The following ATP7B variants were observed in gnomAD, a reference collection of about 807,000 sequenced individuals.
ATP7B encodes ATPase copper transporting beta.
In ATP7B, 113 loss-of-function variants were observed where a neutral mutation model predicts 118.9. That is an observed-to-expected ratio of 0.95 (90% CI 0.82 to 1.11). The LOEUF (loss-of-function observed/expected upper bound fraction) is 1.11, where lower values mean the gene tolerates loss of function less well. ATP7B is among the 50% of genes most tolerant of loss of function. ATP7B has a pLI of 0.00. For missense variants in ATP7B, 1,867 were observed against 1,871.4 expected (o/e 1.00, Z 0.04); for synonymous variants, 777 against 727.4 (o/e 1.07, Z -1.10).
chr13:51,979,973 A>G (rs1436355152), intron 1 of ATP7B, among the ~76,000 whole-genome samples: 1 of 152,230 alleles, frequency 6.6e-6, no homozygotes, highest in African/African-American at 2.4e-5. Flanking sequence ...ACACTAAAGT[A>G]TCTGTTGGTC....
intron 12 of ATP7B, among the ~76,000 whole-genome samples, chr13:51,948,588 C>A (rs1005553299): frequency 1.9e-4 from 29 of 152,132 alleles, no homozygotes; most frequent in African/African-American, 7.0e-4. Context: ...ACATTTGGGG[C>A]CAGATAACTC....
rs571756519 is a variant in ATP7B at position 51,984,729 on chromosome 13, C to A, written c.52-9561G>T. Among the ~76,000 whole-genome samples the A allele has an allele frequency of 6.6e-5, 10 of 152,278 alleles. No homozygotes were observed. The South Asian group carries it at 2.1e-3, about 32-fold the overall frequency. ...TAACAGCAGATCTCTCTGCAGAAACCCTACAAGCCAGAAGAGAATAGGGGC... is the reference window on the plus strand; with the variant it reads ...TAACAGCAGATCTCTCTGCAGAAACACTACAAGCCAGAAGAGAATAGGGGC... On this transcript the variant is annotated intron_variant, in intron 1 of 20. Transcript: ENST00000242839.
At chr13:51,981,813 T>A (rs554435305) in intron 1 of ATP7B, among the ~76,000 whole-genome samples, 1 of 152,266 alleles carries the variant, frequency 6.6e-6, no homozygotes, top group South Asian at 2.1e-4. Context: ...TAGTTCCAAT[T>A]TTTCAAACTT....
chr13:51,999,856 CTA>C (rs1163425811), intron 1 of ATP7B, among the ~76,000 whole-genome samples: 1 of 152,192 alleles, frequency 6.6e-6, no homozygotes, highest in African/African-American at 2.4e-5. Context: ...GACAGTGGTC[CTA>C]TCCCCTCTCT....
At chr13:51,966,681 C>A in intron 4 of ATP7B, 3 of 1,343,074 alleles carry the variant, frequency 2.2e-6, no homozygotes, top group Non-Finnish European at 3.1e-6. Context: ...ACACTACAGA[C>A]ACAGCATGCT....
At chr13:52,012,006 A>C, upstream of ATP7B, 1 of 350,360 alleles carries the variant, frequency 2.9e-6, no homozygotes, top group Non-Finnish European at 5.4e-6. Flanking sequence ...CCGCGGCAAG[A>C]GTGAACTCCG....
intron 5 of ATP7B, 137 bp from the exon 6 acceptor site, chr13:51,962,050 T>C: frequency 1.4e-6 from 1 of 695,394 alleles, no homozygotes; most frequent in South Asian, 1.8e-5. Context: ...GTGGGTTTTC[T>C]GCTTACAACT....
chr13:52,009,173 A>C (rs1953911257), intron 1 of ATP7B, among the ~76,000 whole-genome samples: 1 of 152,214 alleles, frequency 6.6e-6, no homozygotes, highest in African/African-American at 2.4e-5. Context: ...AAGGAAACTA[A>C]AACATTTCAC....
chr13:51,962,407 G>A (rs1423531363), intron 5 of ATP7B, among the ~76,000 whole-genome samples: 5 of 152,246 alleles, frequency 3.3e-5, no homozygotes, highest in South Asian at 2.1e-4. Context: ...AGCCTACACC[G>A]CAATCTTGTG....
chr13:51,954,258 A>G (rs969310899), intron 9 of ATP7B, among the ~76,000 whole-genome samples: 8 of 152,260 alleles, frequency 5.3e-5, no homozygotes, highest in African/African-American at 1.9e-4. Context: ...CAGCTGGAGC[A>G]CAACGCAGGG....
intron 16 of ATP7B, among the ~76,000 whole-genome samples, chr13:51,939,781 C>T (rs922751084): frequency 4.6e-5 from 7 of 151,654 alleles, no homozygotes; most frequent in Admixed American, 6.6e-5. Context: ...AGCCGAGGGG[C>T]GGGTGGATTT....
chr13:51,982,692 G>A (rs1015842551), intron 1 of ATP7B, among the ~76,000 whole-genome samples: 2 of 152,192 alleles, frequency 1.3e-5, no homozygotes, highest in African/African-American at 4.8e-5. Flanking sequence ...CGCAGAAGGA[G>A]GGTGATTTCT....
intron 1 of ATP7B, among the ~76,000 whole-genome samples, chr13:51,979,634 A>G (rs141794492): frequency 8.2e-4 from 125 of 152,342 alleles, no homozygotes; most frequent in Non-Finnish European, 1.5e-3. Context: ...TTCATATAGT[A>G]CCTTATTAGG....
At chr13:51,962,365 T>G (rs1026700748) in intron 5 of ATP7B, among the ~76,000 whole-genome samples, 29 of 152,206 alleles carry the variant, frequency 1.9e-4, no homozygotes, top group African/African-American at 7.0e-4. Flanking sequence ...CCTTCAGCAT[T>G]TGGAAGCACA....
At position 51,937,358 on chromosome 13, in the gene ATP7B, A is replaced by C; in HGVS notation, c.3939T>G (p.Leu1313=). The change falls in exon 19 of 21, where the codon CTT becomes CTG. Residue 1313 remains leucine (L), a synonymous_variant. Transcript: ENST00000242839. ...DLLDVVASIH[L]SKRTVRRIRI... Reference sequence around the variant, plus strand: ...GTATCCTTCGGACAGTCCTCTTGGAAAGGTGAATGCTAGCCACCACATCCA... The same window carrying C: ...GTATCCTTCGGACAGTCCTCTTGGACAGGTGAATGCTAGCCACCACATCCA... 6.2e-7 allele frequency: 1 copy of C among 1,614,216 alleles called. No individual in the cohort carries two copies. The highest frequency in any genetic ancestry group is 1.1e-5 in the South Asian group (1 of 91,088).
intron 1 of ATP7B, among the ~76,000 whole-genome samples, chr13:51,992,197 T>A (rs990949651): frequency 6.6e-6 from 1 of 152,178 alleles, no homozygotes; most frequent in Non-Finnish European, 1.5e-5. Flanking sequence ...CAGCAATTTT[T>A]AAATGTTTTA....
Position 52,010,892 on chromosome 13 carries a change from TA to T in ATP7B, c.51+394del, listed in dbSNP as rs375344489. Among the ~76,000 whole-genome samples, 614 of 152,376 alleles carry T rather than the reference TA, an allele frequency of 4.0e-3. 3 individuals carry two copies. Among genetic ancestry groups the T allele is most frequent in the African/African-American group, 0.013 (553 of 41,594 alleles). On this transcript the variant is annotated intron_variant, in intron 1 of 20. Coordinates refer to ENST00000242839, the MANE Select transcript of ATP7B (RefSeq NM_000053.4). ...ATTACTTGTACAATTAAAATGAATTTAAAACAGTTATAAAAGTTCCAGGACC... is the reference window on the plus strand; with the variant it reads ...ATTACTTGTACAATTAAAATGAATTTAAACAGTTATAAAAGTTCCAGGACC...
chr13:52,011,516 G>A, upstream of ATP7B: 1 of 742,138 alleles, frequency 1.3e-6, no homozygotes, highest in Non-Finnish European at 2.3e-6. Context: ...TTTGGGACCG[G>A]GGAAGCCGCA....
chr13:52,009,635 C>T (rs1001640308), intron 1 of ATP7B, among the ~76,000 whole-genome samples: 1 of 152,130 alleles, frequency 6.6e-6, no homozygotes, highest in Non-Finnish European at 1.5e-5. Flanking sequence ...TATTAATCTG[C>T]CATTTGTCAG....
Sources: gnomAD v4.1 joint callset for allele counts (sites outside exome capture counted in the v4.1 genomes callset) on GRCh38, gnomAD v4.1.1 for gene constraint, MANE v1.5 for transcripts, NCBI Gene and HGNC (gene_info 2026-07-23, HGNC 2026-07-21) for gene names.